PTK2: variants seen among roughly 807,000 people sequenced by gnomAD.
PTK2 encodes the protein protein tyrosine kinase 2, also known as focal adhesion kinase 1.
Under a neutral mutation model 150.1 loss-of-function variants are expected in PTK2, and 45 were observed. The observed-to-expected ratio is 0.30, with a 90% confidence interval of 0.24 to 0.38. The LOEUF is 0.38. PTK2 is among the 10% of genes least tolerant of loss of function. PTK2 has a pLI of 1.00. For missense variants in PTK2, 919 were observed against 1,307.3 expected, an observed-to-expected ratio of 0.70 and a Z score of 4.58; for synonymous variants, 432 against 449.2, an observed-to-expected ratio of 0.96 and a Z score of 0.48.
intron 5 of PTK2, 31 bp downstream of exon 5, chr8:140,864,281 C>A (rs1384156831): frequency 2.3e-6 from 3 of 1,285,516 alleles, no homozygotes; most frequent in African/African-American, 3.1e-5. Flanking sequence ...AAGAAACAAA[C>A]AAAAAAGTAT....
At chr8:140,926,999 A>G (rs1486118637) in intron 1 of PTK2, among the ~76,000 whole-genome samples, 3 of 152,216 alleles carry the variant, frequency 2.0e-5, no homozygotes, top group African/African-American at 2.4e-5. Flanking sequence ...CTGAGAGGTT[A>G]ACTGCTGTAA....
intron 14 of PTK2, among the ~76,000 whole-genome samples, chr8:140,780,346 T>A (rs1471911002): frequency 6.6e-6 from 1 of 152,132 alleles, no homozygotes; most frequent in East Asian, 1.9e-4. Flanking sequence ...TGATTAGTCT[T>A]AACATCACAA....
chr8:140,848,024 T>A (rs2100126725), intron 5 of PTK2, among the ~76,000 whole-genome samples: 1 of 152,194 alleles, frequency 6.6e-6, no homozygotes, highest in Non-Finnish European at 1.5e-5. Context: ...TACCCACTCA[T>A]CCTCTTCATG....
intron 27 of PTK2, among the ~76,000 whole-genome samples, chr8:140,680,946 T>C (rs1215570763): frequency 1.3e-5 from 2 of 152,246 alleles, no homozygotes; most frequent in Admixed American, 6.5e-5. Context: ...AGGGTAAAAC[T>C]TTAACTCCGT....
intron 23 of PTK2, among the ~76,000 whole-genome samples, chr8:140,709,521 C>T (rs1245594639): frequency 1.3e-5 from 2 of 152,184 alleles, no homozygotes; most frequent in South Asian, 4.1e-4. Flanking sequence ...AGGCTTTGAG[C>T]CAGACTGTCA....
At chr8:140,788,501 T>C (rs989903273) in intron 14 of PTK2, among the ~76,000 whole-genome samples, 21 of 151,994 alleles carry the variant, frequency 1.4e-4, no homozygotes, top group African/African-American at 4.6e-4. Flanking sequence ...CTGGCCAATA[T>C]GGCAAAACCC....
At chr8:140,958,261 C>T (rs376481403) in intron 1 of PTK2, among the ~76,000 whole-genome samples, 4 of 152,178 alleles carry the variant, frequency 2.6e-5, no homozygotes, top group East Asian at 1.9e-4. Context: ...TCTCAGCCTC[C>T]TGAGTAGCTG....
chr8:140,742,622 T>C (rs1217267594), intron 20 of PTK2, among the ~76,000 whole-genome samples: 1 of 152,254 alleles, frequency 6.6e-6, no homozygotes, highest in Non-Finnish European at 1.5e-5. Context: ...AACATCTGCA[T>C]CTTCACATGC....
chr8:140,947,810 C>T (rs1487033475), intron 1 of PTK2, among the ~76,000 whole-genome samples: 1 of 151,904 alleles, frequency 6.6e-6, no homozygotes, highest in African/African-American at 2.4e-5. Context: ...ATGTTAATAG[C>T]CAGGGGTGAA....
intron 27 of PTK2, chr8:140,675,807 AC>A (rs1443600903): frequency 4.3e-6 from 1 of 232,470 alleles, no homozygotes; most frequent in African/African-American, 2.3e-5. Context: ...GTAAATTAGT[AC>A]AACCTCTATG....
intron 19 of PTK2, among the ~76,000 whole-genome samples, chr8:140,743,703 A>G (rs776365657): frequency 2.0e-5 from 3 of 152,188 alleles, no homozygotes; most frequent in Non-Finnish European, 4.4e-5. Context: ...ATATCATTAA[A>G]TAAAAGTTGC....
intron 22 of PTK2, among the ~76,000 whole-genome samples, chr8:140,730,813 C>T (rs2100048719): frequency 6.6e-6 from 1 of 152,004 alleles, no homozygotes; most frequent in South Asian, 2.1e-4. Flanking sequence ...GGTACCAACA[C>T]CTTAGTCAAG....
intron 13 of PTK2, 31 bp downstream of exon 13, chr8:140,793,323 A>T: frequency 6.3e-7 from 1 of 1,593,950 alleles, no homozygotes; most frequent in Non-Finnish European, 8.5e-7. Context: ...CCAACAAAAC[A>T]AAATAACAGT....
At chr8:140,946,312 G>C (rs2100177667) in intron 1 of PTK2, among the ~76,000 whole-genome samples, 1 of 152,134 alleles carries the variant, frequency 6.6e-6, no homozygotes, top group Non-Finnish European at 1.5e-5. Flanking sequence ...TCAATACTGA[G>C]TTATGTTTAA....
At chr8:140,707,556 C>T (rs909963088) in intron 23 of PTK2, among the ~76,000 whole-genome samples, 1 of 151,660 alleles carries the variant, frequency 6.6e-6, no homozygotes, top group Non-Finnish European at 1.5e-5. Context: ...CAGGCAGCGG[C>T]ACCTCACCAG....
At chr8:140,674,510 C>A (rs2100012435) in intron 28 of PTK2, 106 bp from the exon 32 acceptor site, 2 of 965,320 alleles carry the variant, frequency 2.1e-6, no homozygotes, top group Non-Finnish European at 3.2e-6. Flanking sequence ...GAGGCTGAAG[C>A]GGGCAGATCA....
chr8:140,668,306 T>C (rs1319129196), exon 30 of PTK2: 1 of 1,614,150 alleles, frequency 6.2e-7, no homozygotes, highest in Non-Finnish European at 8.5e-7. Flanking sequence ...TGGGGCTGGC[T>C]GGATTTTACT....
intron 1 of PTK2, among the ~76,000 whole-genome samples, chr8:140,977,035 G>A (rs552626906): frequency 3.3e-4 from 50 of 152,198 alleles, no homozygotes; most frequent in African/African-American, 1.1e-3. Flanking sequence ...AATCATCAAA[G>A]GAATCAGTAG....
chr8:140,703,079 C>T (rs964821900), intron 24 of PTK2, among the ~76,000 whole-genome samples: 1 of 152,124 alleles, frequency 6.6e-6, no homozygotes, highest in African/African-American at 2.4e-5. Flanking sequence ...GGCACGGTGG[C>T]TCTAGCCTGT....
Sources: allele counts gnomAD v4.1 joint callset (sites outside exome capture counted in the v4.1 genomes callset), GRCh38; gene constraint gnomAD v4.1.1; transcripts MANE v1.5; gene names NCBI Gene and HGNC (gene_info 2026-07-23, HGNC 2026-07-21).